The following INAFM1 variants were observed in gnomAD, a reference collection of about 807,000 sequenced individuals.
INAFM1 encodes putative transmembrane protein INAFM1.
INAFM1 carries 11 observed loss-of-function variants against 9.4 expected under a neutral mutation model. The ratio of observed to expected loss-of-function variants is 1.17; its 90% confidence interval spans 0.74 to 1.94. The LOEUF is 1.94. INAFM1 is among the 30% of genes most tolerant of loss of function. The pLI, the probability that INAFM1 is intolerant of heterozygous loss-of-function variation, is 0.00. For synonymous variants in INAFM1, 161 were observed against 109.5 expected, an observed-to-expected ratio of 1.47 and a Z score of -2.94; for missense variants, 318 against 221.6, an observed-to-expected ratio of 1.44 and a Z score of -2.76.
In INAFM1 at chr19:47,274,965, G is replaced by A; in HGVS notation, c.46G>A (p.Gly16Ser). 1 of 1,404,994 alleles carries A rather than the reference G, an allele frequency of 7.1e-7. No homozygotes were observed. Among genetic ancestry groups the A allele is most frequent in the Non-Finnish European group, 9.2e-7 (1 of 1,086,366 alleles). 87.0% of individuals were successfully genotyped at this position (1,404,994 alleles called of 1,614,324 possible). Residue 16 changes from glycine to serine, a missense_variant, in exon 1 of 1, where the codon GGC (glycine) becomes AGC (serine). Gly to Ser is a moderately conservative substitution (Grantham distance 56). Transcript: ENST00000552360. Reference sequence around the variant, plus strand: ...GGGCGGCGGCGCCGAGAGCCCCGGAGGCGCGGGGCTGAGCGAGGGCCCGCG... The same window carrying A: ...GGGCGGCGGCGCCGAGAGCCCCGGAAGCGCGGGGCTGAGCGAGGGCCCGCG... ...CVGGGAESPG[G>S]AGLSEGPRGR...
chr19:47,275,023 C>G lies in INAFM1; in HGVS notation c.104C>G (p.Ala35Gly). 1.3e-6 allele frequency: 2 copies of G among 1,487,370 alleles called. No individual in the cohort carries two copies. Among genetic ancestry groups the G allele is most frequent in the Non-Finnish European group, 1.8e-6 (2 of 1,123,340 alleles). 92.1% of individuals were successfully genotyped at this position (1,487,370 alleles called of 1,614,324 possible). A position where few individuals can be genotyped will look rare whatever the true frequency, so the allele number is the denominator to read the frequency against. ...TGGCTGCGCTTGGCTCCGGTATGCG[C>G]CTACTTCCTCTGCGTCTCGCTAGCT... The part of the protein sequence containing the change: ...GRWLRLAPVC[A>G]YFLCVSLAAV... The change falls in exon 1 of 1, where the codon GCC becomes GGC. Residue 35 changes from alanine (A) to glycine (G), a missense_variant. By Grantham distance (60) the Ala-to-Gly change is moderately conservative. Transcript: ENST00000552360.
Position 47,275,254 on chromosome 19 carries a change from G to C in INAFM1, c.335G>C (p.Ser112Thr), listed in dbSNP as rs1188793781. The C allele has an allele frequency of 1.3e-6, 2 of 1,534,750 alleles. No individual in the cohort carries two copies. The highest frequency in any genetic ancestry group is 5.1e-5 in the East Asian group (2 of 38,910). The change falls in exon 1 of 1, where the codon AGC (serine) becomes ACC (threonine). Residue 112 changes from serine (S) to threonine (T), a missense_variant. Transcript: ENST00000552360. ...CGACCCCAGCTCCAGCTGCCGCTGA[G>C]CCGCCGCCGCCGCTACAGCGACCCT... ...GPRPQLQLPLSRRRRYSDPDR... is the reference protein window; with the variant it reads ...GPRPQLQLPLTRRRRYSDPDR...
At position 47,274,914 on chromosome 19, in the gene INAFM1, G is replaced by T; in HGVS notation, c.-6G>T. 1 of 1,313,416 alleles carries T rather than the reference G, an allele frequency of 7.6e-7. No homozygotes were observed. Among genetic ancestry groups the T allele is most frequent in the Non-Finnish European group, 9.6e-7 (1 of 1,041,898 alleles). 81.4% of individuals were successfully genotyped at this position (1,313,416 alleles called of 1,614,324 possible). ...TCTGCGGCGCGGAGCCGAGTGGGCT[G>T]CGGGGATGCGGGGGACCAGCTGCGT... On this transcript the variant is annotated 5_prime_UTR_variant, in exon 1 of 1. Transcript: ENST00000552360.
Position 47,275,714 on chromosome 19 carries a change from G to A in INAFM1, c.*366G>A. The A allele has an allele frequency of 3.7e-6, 1 of 272,584 alleles. No homozygotes were observed. Among genetic ancestry groups the A allele is most frequent in the Non-Finnish European group, 7.4e-6 (1 of 135,438 alleles). 16.9% of individuals were successfully genotyped at this position (272,584 alleles called of 1,614,324 possible). On this transcript the variant is annotated 3_prime_UTR_variant, in exon 1 of 1. Coordinates refer to ENST00000552360, the MANE Select transcript of INAFM1 (RefSeq NM_178511.6). ...GGCTGCCTCGTGCTGTGTCTGTCCT[G>A]TTGTCTGCAGAGATGCCTCCCCTCC...
In INAFM1 at chr19:47,275,708, T is replaced by G. The variant is rs1277386162; in HGVS notation, c.*360T>G. ...AGCCTCGGCTGCCTCGTGCTGTGTC[T>G]GTCCTGTTGTCTGCAGAGATGCCTC... On this transcript the variant is annotated 3_prime_UTR_variant, in exon 1 of 1. Transcript: ENST00000552360. 1 of 292,844 alleles carries G rather than the reference T, an allele frequency of 3.4e-6. No homozygotes were observed. The highest frequency in any genetic ancestry group is 5.3e-5 in the Admixed American group (1 of 18,848). The allele number at this position is 292,844 out of a possible 1,614,324, so 18.1% of individuals were successfully genotyped here.
rs148714089 is a variant in INAFM1, at chr19:47,275,539, G to A, written c.*191G>A. 681 of 705,968 alleles carry A rather than the reference G, an allele frequency of 9.6e-4. 10 individuals carry two copies. In the East Asian group the frequency reaches 0.02, roughly 20 times the overall value. 43.7% of individuals were successfully genotyped at this position (705,968 alleles called of 1,614,324 possible). On this transcript the variant is annotated 3_prime_UTR_variant, in exon 1 of 1. Transcript: ENST00000552360. ...GCCTTGCCTCTTGCAGCTACTCTGT[G>A]GTCAGGCCGGGTCCTCCACCATCAG...
chr19:47,275,447 T>C lies in INAFM1; in HGVS notation c.*99T>C. On this transcript the variant is annotated 3_prime_UTR_variant, in exon 1 of 1. Coordinates refer to ENST00000552360, the MANE Select transcript of INAFM1 (RefSeq NM_178511.6). ...TGGATTGGTCCGGCCTTCTTCCTAA[T>C]GACATCGCTCAGCGTCTCTGGAGCC... The C allele has an allele frequency of 7.1e-7, 1 of 1,410,354 alleles. No homozygotes were observed. Among genetic ancestry groups the C allele is most frequent in the South Asian group, 1.5e-5 (1 of 68,550 alleles). The allele number at this position is 1,410,354 out of a possible 1,614,324, so 87.4% of individuals were successfully genotyped here. A position where few individuals can be genotyped will look rare whatever the true frequency, so the allele number is the denominator to read the frequency against.
rs1241389182 is a variant in INAFM1 at position 47,275,033 on chromosome 19, C to G, written c.114C>G (p.Leu38=). The G allele has an allele frequency of 3.4e-6, 5 of 1,489,712 alleles. No individual in the cohort carries two copies. The African/African-American group carries it at 4.4e-5, about 13-fold the overall frequency. 92.3% of individuals were successfully genotyped at this position (1,489,712 alleles called of 1,614,324 possible). A position where few individuals can be genotyped will look rare whatever the true frequency, so the allele number is the denominator to read the frequency against. The change falls in exon 1 of 1, where the codon CTC becomes CTG. Residue 38 remains leucine, a synonymous_variant. Coordinates refer to ENST00000552360, the MANE Select transcript of INAFM1 (RefSeq NM_178511.6). ...TGGCTCCGGTATGCGCCTACTTCCT[C>G]TGCGTCTCGCTAGCTGCCGTGCTGC... is the stretch of plus-strand genomic sequence containing the variant. ...LRLAPVCAYF[L]CVSLAAVLLA... is the part of the protein sequence containing the mutation.
rs2059148847 is a variant in INAFM1 at position 47,275,063 on chromosome 19, C to A, written c.144C>A (p.Ala48=). 5 of 1,494,886 alleles carry A rather than the reference C, an allele frequency of 3.3e-6. No homozygotes were observed. The African/African-American group carries it at 5.8e-5, about 17-fold the overall frequency. The allele number at this position is 1,494,886 out of a possible 1,614,324, so 92.6% of individuals were successfully genotyped here. A position where few individuals can be genotyped will look rare whatever the true frequency, so the allele number is the denominator to read the frequency against. Residue 48 remains alanine, a synonymous_variant, in exon 1 of 1, where the codon GCC becomes GCA. Coordinates refer to ENST00000552360, the MANE Select transcript of INAFM1 (RefSeq NM_178511.6). ...LCVSLAAVLL[A]VYYGLIWVPT... ...TCTCGCTAGCTGCCGTGCTGCTCGC[C>A]GTGTACTACGGTCTCATCTGGGTAC...
Position 47,275,309 on chromosome 19 carries a change from A to C in INAFM1, c.390A>C (p.Arg130Ser). Residue 130 changes from arginine (R) to serine (S), a missense_variant, in exon 1 of 1, where the codon AGA becomes AGC. Arg to Ser is a moderately radical substitution (Grantham distance 110). Transcript: ENST00000552360. ...GCCGTCCGAGCCGCCAGACACCCAG[A>C]GAGACGCCAGAGGCCGCGGAGGGGC... ...PDRRPSRQTP[R>S]ETPEAAEGRR... 2 of 1,546,356 alleles carry C rather than the reference A, an allele frequency of 1.3e-6. No individual in the cohort carries two copies. The highest frequency in any genetic ancestry group is 1.7e-6 in the Non-Finnish European group (2 of 1,145,220).
Position 47,275,151 on chromosome 19 carries a change from G to T in INAFM1, c.232G>T (p.Ala78Ser). 6.7e-7 allele frequency: 1 copy of T among 1,484,346 alleles called. No individual in the cohort carries two copies. 91.9% of individuals were successfully genotyped at this position (1,484,346 alleles called of 1,614,324 possible). ...CAGCGCGCCGTCCCCTCCGTGTGCT[G>T]CCCGCCCGGGCGTGCCGCCTGTCCC... is the stretch of plus-strand genomic sequence containing the variant. ...QPSAPSPPCA[A>S]RPGVPPVPAP... Residue 78 changes from alanine to serine, a missense_variant, in exon 1 of 1, where the codon GCC becomes TCC. Ala to Ser is a moderately conservative substitution (Grantham distance 99, BLOSUM62 1). Coordinates refer to ENST00000552360, the MANE Select transcript of INAFM1 (RefSeq NM_178511.6).
chr19:47,274,918 G>T lies in INAFM1; in HGVS notation c.-2G>T, dbSNP rs556156820. The T allele has an allele frequency of 4.9e-4, 643 of 1,317,500 alleles. 4 individuals carry two copies. The African/African-American group carries it at 9.2e-3, about 19-fold the overall frequency. 81.6% of individuals were successfully genotyped at this position (1,317,500 alleles called of 1,614,324 possible). A position where few individuals can be genotyped will look rare whatever the true frequency, so the allele number is the denominator to read the frequency against. On this transcript the variant is annotated 5_prime_UTR_variant, in exon 1 of 1. Coordinates refer to ENST00000552360, the MANE Select transcript of INAFM1 (RefSeq NM_178511.6). ...CGGCGCGGAGCCGAGTGGGCTGCGGGGATGCGGGGGACCAGCTGCGTGGGC... is the reference window on the plus strand; with the variant it reads ...CGGCGCGGAGCCGAGTGGGCTGCGGTGATGCGGGGGACCAGCTGCGTGGGC...
Position 47,275,026 on chromosome 19 carries a change from A to C in INAFM1, c.107A>C (p.Tyr36Ser). 2 of 1,487,582 alleles carry C rather than the reference A, an allele frequency of 1.3e-6. No individual in the cohort carries two copies. The highest frequency in any genetic ancestry group is 1.8e-6 in the Non-Finnish European group (2 of 1,123,356). The allele number at this position is 1,487,582 out of a possible 1,614,324, so 92.1% of individuals were successfully genotyped here. A position where few individuals can be genotyped will look rare whatever the true frequency, so the allele number is the denominator to read the frequency against. Reference protein sequence around the residue: ...RWLRLAPVCAYFLCVSLAAVL... With the variant: ...RWLRLAPVCASFLCVSLAAVL... The stretch of plus-strand genomic sequence containing the variant: ...CTGCGCTTGGCTCCGGTATGCGCCT[A>C]CTTCCTCTGCGTCTCGCTAGCTGCC... The change falls in exon 1 of 1, where the codon TAC becomes TCC. Residue 36 changes from tyrosine to serine, a missense_variant. Physicochemically the swap from Tyr to Ser is moderately radical, Grantham distance 144. Transcript: ENST00000552360.
At chr19:47,274,803 G>A (rs2059145828), upstream of INAFM1, 16 of 707,866 alleles carry the variant, frequency 2.3e-5, no homozygotes, top group South Asian at 1.0e-3. Context: ...CCATGCTGGC[G>A]GGGGCGGGGC....
chr19:47,275,262 C>CGCCGCT lies in INAFM1; in HGVS notation c.344_349dup (p.Arg116_Tyr117insCysArg), dbSNP rs1222704131. On this transcript the variant is annotated inframe_insertion, in exon 1 of 1. Coordinates refer to ENST00000552360, the MANE Select transcript of INAFM1 (RefSeq NM_178511.6). Reference sequence around the variant, plus strand: ...GCTCCAGCTGCCGCTGAGCCGCCGCCGCCGCTACAGCGACCCTGACCGCCG... The same window carrying CGCCGCT: ...GCTCCAGCTGCCGCTGAGCCGCCGCCGCCGCTGCCGCTACAGCGACCCTGACCGCCG... The CGCCGCT allele has an allele frequency of 2.3e-5, 35 of 1,540,670 alleles. No homozygotes were observed. In the Admixed American group the frequency reaches 3.4e-4, roughly 15 times the overall value.
rs1313754249 is a variant in INAFM1 at position 47,275,011 on chromosome 19, C to T, written c.92C>T (p.Ala31Val). Reference protein sequence around the residue: ...EGPRGRWLRLAPVCAYFLCVS... With the variant: ...EGPRGRWLRLVPVCAYFLCVS... ...CCGCGGGGGCGCTGGCTGCGCTTGGCTCCGGTATGCGCCTACTTCCTCTGC... is the reference window on the plus strand; with the variant it reads ...CCGCGGGGGCGCTGGCTGCGCTTGGTTCCGGTATGCGCCTACTTCCTCTGC... The change falls in exon 1 of 1, where the codon GCT becomes GTT. Residue 31 changes from alanine to valine, a missense_variant. Coordinates refer to ENST00000552360, the MANE Select transcript of INAFM1 (RefSeq NM_178511.6). 3 of 1,479,440 alleles carry T rather than the reference C, an allele frequency of 2.0e-6. No individual in the cohort carries two copies. The highest frequency in any genetic ancestry group is 1.8e-4 in the Middle Eastern group (1 of 5,616). 91.6% of individuals were successfully genotyped at this position (1,479,440 alleles called of 1,614,324 possible).
chr19:47,275,233 C>G lies in INAFM1; in HGVS notation c.314C>G (p.Pro105Arg). 1 of 1,535,004 alleles carries G rather than the reference C, an allele frequency of 6.5e-7. No individual in the cohort carries two copies. ...CTGGGAGTCCCCGGCGGGCCGCGAC[C>G]CCAGCTCCAGCTGCCGCTGAGCCGC... ...CLLGVPGGPR[P>R]QLQLPLSRRR... The change falls in exon 1 of 1, where the codon CCC (proline) becomes CGC (arginine). Residue 105 changes from proline (P) to arginine (R), a missense_variant. Transcript: ENST00000552360.
Position 47,275,053 on chromosome 19 carries a change from T to A in INAFM1, c.134T>A (p.Val45Glu). 2 of 1,493,782 alleles carry A rather than the reference T, an allele frequency of 1.3e-6. No individual in the cohort carries two copies. The highest frequency in any genetic ancestry group is 1.8e-6 in the Non-Finnish European group (2 of 1,125,524). The allele number at this position is 1,493,782 out of a possible 1,614,324, so 92.5% of individuals were successfully genotyped here. A position where few individuals can be genotyped will look rare whatever the true frequency, so the allele number is the denominator to read the frequency against. ...AYFLCVSLAA[V>E]LLAVYYGLIW... ...TTCCTCTGCGTCTCGCTAGCTGCCG[T>A]GCTGCTCGCCGTGTACTACGGTCTC... Residue 45 changes from valine (V) to glutamate (E), a missense_variant, in exon 1 of 1, where the codon GTG (valine) becomes GAG (glutamate). Physicochemically the swap from Val to Glu is moderately radical, Grantham distance 121. Coordinates refer to ENST00000552360, the MANE Select transcript of INAFM1 (RefSeq NM_178511.6).
Position 47,275,379 on chromosome 19 carries a change from G to C in INAFM1, c.*31G>C. On this transcript the variant is annotated 3_prime_UTR_variant, in exon 1 of 1. Transcript: ENST00000552360. ...CCTTCCACCCCAACCCGGATCGCCA[G>C]CCCTCGAGAGCTCTGTGCTCCACGC... The C allele has an allele frequency of 1.3e-6, 2 of 1,527,620 alleles. No homozygotes were observed. The highest frequency in any genetic ancestry group is 1.8e-6 in the Non-Finnish European group (2 of 1,136,418). The allele number at this position is 1,527,620 out of a possible 1,614,324, so 94.6% of individuals were successfully genotyped here.
Sources: allele counts gnomAD v4.1 joint callset, GRCh38; gene constraint gnomAD v4.1.1; transcripts MANE v1.5; gene names NCBI Gene and HGNC (gene_info 2026-07-23, HGNC 2026-07-21).